The following SFSWAP variants were observed in gnomAD, a reference collection of about 807,000 sequenced individuals.
SFSWAP encodes splicing factor SWAP, also known as splicing factor, suppressor of white-apricot homolog.
In SFSWAP, 17 loss-of-function variants were observed where a neutral mutation model predicts 100.7. The ratio of observed to expected loss-of-function variants is 0.17; its 90% CI spans 0.12 to 0.25. The LOEUF is 0.25. Ranked by LOEUF, SFSWAP falls within the 10% of genes least tolerant of loss-of-function variation. The pLI, the probability that SFSWAP is intolerant of heterozygous loss-of-function variation, is 1.00. For synonymous variants in SFSWAP, 504 were observed against 510.1 expected, an observed-to-expected ratio of 0.99 and a Z score of 0.16; for missense variants, 1,005 against 1,262.6, an observed-to-expected ratio of 0.80 and a Z score of 3.09.
rs1264908749 is a variant in SFSWAP at position 131,797,315 on chromosome 12, G to C, written c.2672G>C (p.Ser891Thr). 6.2e-7 allele frequency: 1 copy of C among 1,611,284 alleles called. No individual in the cohort carries two copies. ...GCGGCCCACTCGGCGCACTCAGCCAGCGTCTCCCCTGTGGAGAGTCGGGGC... is the reference window on the plus strand; with the variant it reads ...GCGGCCCACTCGGCGCACTCAGCCACCGTCTCCCCTGTGGAGAGTCGGGGC... ...APAAHSAHSA[S>T]VSPVESRGSS... Residue 891 changes from serine (S) to threonine (T), a missense_variant, in exon 16 of 18, where the codon AGC becomes ACC. Physicochemically the swap from Ser to Thr is moderately conservative, Grantham distance 58. Coordinates refer to ENST00000261674, the MANE Select transcript of SFSWAP (RefSeq NM_004592.4).
chr12:131,754,346 C>G, intron 8 of SFSWAP, 22 bp from the exon 9 acceptor site: 1 of 1,507,812 alleles, frequency 6.6e-7, no homozygotes. Context: ...GCCCAGGGGT[C>G]TCACAGACTC....
At chr12:131,728,999 C>A (rs770298947) in intron 7 of SFSWAP, among the ~76,000 whole-genome samples, 14 of 152,054 alleles carry the variant, frequency 9.2e-5, no homozygotes, top group Non-Finnish European at 2.1e-4. Flanking sequence ...CTGGCCCTGG[C>A]TCTGCCCTTC....
intron 7 of SFSWAP, among the ~76,000 whole-genome samples, chr12:131,737,674 G>A (rs12310338): frequency 0.3 from 45,811 of 151,904 alleles, 8,652 homozygotes; most frequent in Non-Finnish European, 0.44. Context: ...TTCATACGCT[G>A]GGTATTTAAT....
chr12:131,766,305 C>T lies in SFSWAP; in HGVS notation c.2139C>T (p.Val713=), dbSNP rs1313109097. The T allele has an allele frequency of 5.0e-6, 8 of 1,613,668 alleles. No individual in the cohort carries two copies. The highest frequency in any genetic ancestry group is 2.2e-5 in the East Asian group (1 of 44,882). Residue 713 remains valine (V), a synonymous_variant, in exon 13 of 18, where the codon GTC becomes GTT. Coordinates refer to ENST00000261674, the MANE Select transcript of SFSWAP (RefSeq NM_004592.4). Reference sequence around the variant, plus strand: ...AAATTGAGGAGAGTCCTTTCAGTGTCGAGGTATAGTAAAATCCCACATTGG... The same window carrying T: ...AAATTGAGGAGAGTCCTTTCAGTGTTGAGGTATAGTAAAATCCCACATTGG... ...AGKIEESPFS[V]EESSTTPCPL... is the part of the protein sequence containing the mutation.
chr12:131,733,028 G>A lies in SFSWAP; in HGVS notation c.1081+4600G>A, dbSNP rs1879656264. On this transcript the variant is annotated intron_variant, in intron 7 of 17. Coordinates refer to ENST00000261674, the MANE Select transcript of SFSWAP (RefSeq NM_004592.4). The surrounding 1 kb of genome is among the most constrained non-coding windows in gnomAD (Gnocchi z 5.1). ...TGAGGACAGAGGAGTTGCATGTGAG[G>A]GAGGAGGCGTGATTTAAAGCATGAA... Among the ~76,000 whole-genome samples the A allele has an allele frequency of 6.6e-6, 1 of 152,172 alleles. No individual in the cohort carries two copies. The highest frequency in any genetic ancestry group is 6.5e-5 in the Admixed American group (1 of 15,282).
intron 14 of SFSWAP, among the ~76,000 whole-genome samples, chr12:131,782,533 G>A (rs1048114505): frequency 6.6e-6 from 1 of 152,210 alleles, no homozygotes; most frequent in Non-Finnish European, 1.5e-5. Context: ...AGACCTAATT[G>A]ATCATTTTTC....
intron 7 of SFSWAP, among the ~76,000 whole-genome samples, chr12:131,747,277 T>A (rs1344641858): frequency 6.6e-6 from 1 of 151,888 alleles, no homozygotes; most frequent in Admixed American, 6.6e-5. Context: ...ACAGTGGACA[T>A]GTGACTAAGA....
intron 13 of SFSWAP, among the ~76,000 whole-genome samples, chr12:131,776,677 C>G (rs990899403): frequency 4.6e-5 from 7 of 152,250 alleles, no homozygotes; most frequent in Non-Finnish European, 8.8e-5. Flanking sequence ...GGCTGGAGCT[C>G]TCCCCGGGGA....
chr12:131,719,197 C>T (rs1262267471), intron 3 of SFSWAP, among the ~76,000 whole-genome samples: 1 of 152,162 alleles, frequency 6.6e-6, no homozygotes, highest in Non-Finnish European at 1.5e-5. Context: ...CAAGGGAATA[C>T]CGTGCAGTCT....
chr12:131,748,946 A>G (rs552146302), intron 7 of SFSWAP, among the ~76,000 whole-genome samples: 15 of 152,380 alleles, frequency 9.8e-5, no homozygotes, highest in African/African-American at 2.4e-4. Context: ...GGGAAATTCA[A>G]TATAAAATCC....
At chr12:131,766,386 G>A in intron 13 of SFSWAP, 78 bp downstream of exon 13, 3 of 1,355,678 alleles carry the variant, frequency 2.2e-6, no homozygotes, top group South Asian at 2.5e-5. Flanking sequence ...CCCTCCAGCT[G>A]CCCTAGTCTC....
intron 7 of SFSWAP, among the ~76,000 whole-genome samples, chr12:131,748,559 C>T (rs1881344490): frequency 6.6e-6 from 1 of 152,200 alleles, no homozygotes; most frequent in Non-Finnish European, 1.5e-5. Flanking sequence ...CTTCTCAGCA[C>T]AGGAGTTCTG....
At chr12:131,780,947 G>A (rs570716157) in intron 14 of SFSWAP, among the ~76,000 whole-genome samples, 7 of 152,248 alleles carry the variant, frequency 4.6e-5, no homozygotes, top group Non-Finnish European at 1.0e-4. Context: ...CGGATGTGAT[G>A]TCTGATATTT....
chr12:131,753,827 G>T (rs1362317529), intron 8 of SFSWAP, among the ~76,000 whole-genome samples: 2 of 152,140 alleles, frequency 1.3e-5, no homozygotes, highest in African/African-American at 2.4e-5. Context: ...TGAAGCCATC[G>T]GCAGAGCCCT....
chr12:131,765,895 G>A (rs112998785), intron 12 of SFSWAP, among the ~76,000 whole-genome samples: 20 of 152,172 alleles, frequency 1.3e-4, no homozygotes, highest in African/African-American at 4.6e-4. Flanking sequence ...TCCAGCTTTC[G>A]TTAGTGTAGA....
intron 10 of SFSWAP, 85 bp from the exon 11 acceptor site, chr12:131,756,388 G>A (rs1882159360): frequency 8.7e-7 from 1 of 1,154,794 alleles, no homozygotes; most frequent in Non-Finnish European, 1.2e-6. Flanking sequence ...GTTGTCCAGT[G>A]AAACATATAC....
At chr12:131,798,388 A>G (rs1885827056) in intron 16 of SFSWAP, among the ~76,000 whole-genome samples, 1 of 152,140 alleles carries the variant, frequency 6.6e-6, no homozygotes, top group South Asian at 2.1e-4. Context: ...CAGCACACAG[A>G]CGCCTCATGC....
At chr12:131,739,451 C>G (rs1207621720) in intron 7 of SFSWAP, among the ~76,000 whole-genome samples, 1 of 147,532 alleles carries the variant, frequency 6.8e-6, no homozygotes, top group Non-Finnish European at 1.5e-5. Flanking sequence ...ATATTTATGA[C>G]TTTGGTTCCT....
intron 12 of SFSWAP, among the ~76,000 whole-genome samples, chr12:131,765,271 A>T (rs1384552639): frequency 6.6e-6 from 1 of 152,270 alleles, no homozygotes; most frequent in Admixed American, 6.5e-5. Context: ...TGGTTGCTGC[A>T]TTGTGGTTGT....
Sources: gnomAD v4.1 joint callset for allele counts (sites outside exome capture counted in the v4.1 genomes callset) on GRCh38, gnomAD v4.1.1 for gene constraint, Gnocchi (gnomAD v3.1) non-coding constraint, MANE v1.5 for transcripts, NCBI Gene and HGNC (gene_info 2026-07-23, HGNC 2026-07-21) for gene names.